CD99: variants seen among roughly 807,000 people sequenced by gnomAD.
CD99 encodes CD99 antigen.
CD99 carries 19 observed loss-of-function variants against 28.4 expected under a neutral mutation model. That is an observed-to-expected ratio of 0.67 (90% CI 0.47 to 0.98). CD99 has a LOEUF of 0.98. CD99 is among the 50% of genes least tolerant of loss of function. The pLI, the probability that CD99 is intolerant of heterozygous loss-of-function variation, is 0.00. For missense variants in CD99, 283 were observed against 248.8 expected (o/e 1.14, Z -0.92); for synonymous variants, 103 against 92.1 (o/e 1.12, Z -0.67).
intron 1 of CD99, among the ~76,000 whole-genome samples, chrX:2,708,812 C>T (rs181283375): frequency 0.039 from 5,868 of 152,178 alleles, 129 homozygotes; most frequent in African/African-American, 0.055. Context: ...TCAGTGGTGA[C>T]GTCAGCCGTA....
intron 8 of CD99, among the ~76,000 whole-genome samples, chrX:2,726,693 C>G (rs192012642): frequency 2.0e-5 from 2 of 100,498 alleles, no homozygotes; most frequent in Admixed American, 2.1e-4. Context: ...GCAGGAAAGC[C>G]GCTACAAGTT....
At chrX:2,724,722 T>C (rs1006791854) in intron 7 of CD99, among the ~76,000 whole-genome samples, 5 of 151,848 alleles carry the variant, frequency 3.3e-5, no homozygotes, top group African/African-American at 1.2e-4. Flanking sequence ...CTGGCCAAGA[T>C]GGTGAAACCC....
chrX:2,739,090 C>T (rs1035089564), intron 9 of CD99, among the ~76,000 whole-genome samples: 1 of 151,948 alleles, frequency 6.6e-6, no homozygotes, highest in Non-Finnish European at 1.5e-5. Flanking sequence ...ACTATGTTGC[C>T]CATCCTGAGC....
At chrX:2,726,170 AGACT>A (rs2049269945) in intron 7 of CD99, 86 bp from the exon 8 acceptor site, 3 of 758,584 alleles carry the variant, frequency 4.0e-6, no homozygotes, top group Admixed American at 2.3e-5. Flanking sequence ...TGGTGCTCTC[AGACT>A]GACTGTCTCT....
intron 1 of CD99, among the ~76,000 whole-genome samples, chrX:2,697,464 C>T (rs770335758): frequency 3.3e-5 from 5 of 152,226 alleles, no homozygotes; most frequent in East Asian, 1.9e-4. Flanking sequence ...TACTCATCAG[C>T]GACACCTGAG....
chrX:2,698,079 A>G (rs1228373264), intron 1 of CD99, among the ~76,000 whole-genome samples: 1 of 151,968 alleles, frequency 6.6e-6, no homozygotes, highest in Non-Finnish European at 1.5e-5. Flanking sequence ...AGCTACAGCC[A>G]CCTATGGGAA....
intron 8 of CD99, among the ~76,000 whole-genome samples, chrX:2,736,964 G>C (rs932111865): frequency 3.3e-5 from 5 of 151,872 alleles, no homozygotes; most frequent in African/African-American, 1.2e-4. Flanking sequence ...TACACAAGAC[G>C]CCTTGGCTGT....
At chrX:2,717,448 G>C (rs311077) in intron 2 of CD99, 157 bp from the exon 3 acceptor site, 464,628 of 644,838 alleles carry the variant, frequency 0.72, 170,070 homozygotes, top group Non-Finnish European at 0.76. Flanking sequence ...AAGAGTCGTT[G>C]TATAAACCTC....
chrX:2,724,525 C>T (rs312188), intron 7 of CD99, among the ~76,000 whole-genome samples: 71,517 of 152,032 alleles, frequency 0.47, 20,357 homozygotes, highest in African/African-American at 0.8. Flanking sequence ...TCCCAGAACT[C>T]TGGGAGGCTG....
At chrX:2,696,885 G>A (rs2047601619) in intron 1 of CD99, among the ~76,000 whole-genome samples, 1 of 152,116 alleles carries the variant, frequency 6.6e-6, no homozygotes, top group Non-Finnish European at 1.5e-5. Flanking sequence ...CTTTGTTTTA[G>A]TATGACTCAG....
At chrX:2,726,983 A>G (rs1447607541) in intron 8 of CD99, among the ~76,000 whole-genome samples, 1 of 152,058 alleles carries the variant, frequency 6.6e-6, no homozygotes, top group African/African-American at 2.4e-5. Flanking sequence ...TAAAAATACA[A>G]AAAATTAGCC....
intron 1 of CD99, among the ~76,000 whole-genome samples, chrX:2,696,244 C>T (rs1310250045): frequency 6.6e-6 from 1 of 152,040 alleles, no homozygotes; most frequent in Non-Finnish European, 1.5e-5. Context: ...ATGTCCCAGG[C>T]CCATGTGGAT....
chrX:2,698,114 G>C (rs1569425147), intron 1 of CD99, among the ~76,000 whole-genome samples: 1 of 151,558 alleles, frequency 6.6e-6, no homozygotes, highest in Non-Finnish European at 1.5e-5. Flanking sequence ...TAAACCACAA[G>C]CCCCTAGACA....
At chrX:2,712,164 A>G (rs1426860920) in intron 1 of CD99, among the ~76,000 whole-genome samples, 2 of 152,156 alleles carry the variant, frequency 1.3e-5, no homozygotes, top group Non-Finnish European at 2.9e-5. Context: ...CTTACGTGGA[A>G]TCTAAAACCA....
At chrX:2,696,439 T>C (rs311034) in intron 1 of CD99, among the ~76,000 whole-genome samples, 111,516 of 152,014 alleles carry the variant, frequency 0.73, 41,291 homozygotes, top group South Asian at 0.79. Context: ...TCGCTCTTTT[T>C]CCCCAGGCTG....
chrX:2,703,994 C>T (rs2048004372), intron 1 of CD99, among the ~76,000 whole-genome samples: 1 of 152,026 alleles, frequency 6.6e-6, no homozygotes. Flanking sequence ...CTCCTGAAGG[C>T]GGGGTCCTTC....
At position 2,740,983 on chromosome X, in the gene CD99, G is replaced by A. The variant is rs373681055; in HGVS notation, c.*179G>A. 9.4e-5 allele frequency: 69 copies of A among 736,660 alleles called. No homozygotes were observed. The Middle Eastern group carries it at 1.2e-3, about 12-fold the overall frequency. 45.6% of individuals were successfully genotyped at this position (736,660 alleles called of 1,614,324 possible). A position where few individuals can be genotyped will look rare whatever the true frequency, so the allele number is the denominator to read the frequency against. On this transcript the variant is annotated 3_prime_UTR_variant, in exon 10 of 10. Coordinates refer to ENST00000381192, the MANE Select transcript of CD99 (RefSeq NM_002414.5). ...TGCTGGGCGGATGATGTTTACTAAC[G>A]ATGAATTTTACATCCAAAGGGGGAT... is the stretch of plus-strand genomic sequence containing the variant.
chrX:2,703,543 G>A (rs1198755424), intron 1 of CD99, among the ~76,000 whole-genome samples: 1 of 151,894 alleles, frequency 6.6e-6, no homozygotes, highest in Non-Finnish European at 1.5e-5. Flanking sequence ...AGTGTTCGCT[G>A]AGACTTTATA....
intron 1 of CD99, among the ~76,000 whole-genome samples, chrX:2,709,918 C>T (rs2048322713): frequency 6.6e-6 from 1 of 152,116 alleles, no homozygotes; most frequent in South Asian, 2.1e-4. Flanking sequence ...AAATGGCCCC[C>T]CTGAGGCCCA....
Sources: allele counts gnomAD v4.1 joint callset (sites outside exome capture counted in the v4.1 genomes callset), GRCh38; gene constraint gnomAD v4.1.1; transcripts MANE v1.5; gene names NCBI Gene and HGNC (gene_info 2026-07-23, HGNC 2026-07-21).